The following EPHB1 variants were observed in gnomAD, a reference collection of about 807,000 sequenced individuals.
EPHB1 encodes EPH receptor B1.
EPHB1 carries 30 observed loss-of-function variants against 94.4 expected under a neutral mutation model. The ratio of observed to expected loss-of-function variants is 0.32; its 90% CI spans 0.24 to 0.43. EPHB1 has a LOEUF of 0.43. Among genes scored for constraint, EPHB1 ranks in the 20% least tolerant of loss-of-function variants. The pLI is 1.00. For missense variants in EPHB1, 1,055 were observed against 1,308.3 expected (o/e 0.81, Z 2.99); for synonymous variants, 522 against 489.1 (o/e 1.07, Z -0.89).
intron 1 of EPHB1, among the ~76,000 whole-genome samples, chr3:134,876,471 A>G (rs2037619009): frequency 6.6e-6 from 1 of 152,248 alleles, no homozygotes; most frequent in Admixed American, 6.5e-5. Flanking sequence ...CCAAGTGCTC[A>G]GGCAACACGA....
chr3:134,884,947 A>G (rs578189586), intron 1 of EPHB1, among the ~76,000 whole-genome samples: 2 of 152,360 alleles, frequency 1.3e-5, no homozygotes, highest in African/African-American at 4.8e-5. Context: ...GAGCGGAAAC[A>G]TGGAGTGGAT....
chr3:134,832,363 A>C (rs2036596398), intron 1 of EPHB1, among the ~76,000 whole-genome samples: 1 of 152,228 alleles, frequency 6.6e-6, no homozygotes, highest in South Asian at 2.1e-4. Flanking sequence ...GGAGCAAGGC[A>C]ATGGCAAACA....
chr3:135,107,777 G>T (rs1469470090), intron 4 of EPHB1, among the ~76,000 whole-genome samples: 1 of 152,110 alleles, frequency 6.6e-6, no homozygotes, highest in African/African-American at 2.4e-5. Flanking sequence ...AAGTTCCTGA[G>T]TTCAATCAAT....
chr3:134,974,054 T>C (rs1210051709), intron 3 of EPHB1, among the ~76,000 whole-genome samples: 3 of 152,134 alleles, frequency 2.0e-5, no homozygotes, highest in Admixed American at 2.0e-4. Flanking sequence ...TGAAGTGATA[T>C]AGAGCTGCAT....
intron 3 of EPHB1, among the ~76,000 whole-genome samples, chr3:135,104,956 C>T (rs935955956): frequency 4.6e-5 from 7 of 152,190 alleles, no homozygotes; most frequent in Admixed American, 2.6e-4. Context: ...ATAGTTTATG[C>T]GTACATCATC....
intron 3 of EPHB1, among the ~76,000 whole-genome samples, chr3:135,035,856 A>G (rs1936625151): frequency 1.3e-5 from 2 of 152,158 alleles, no homozygotes; most frequent in African/African-American, 4.8e-5. Context: ...CAGCACTGCT[A>G]TACCACCAAA....
intron 3 of EPHB1, among the ~76,000 whole-genome samples, chr3:135,048,711 C>A (rs2107769974): frequency 6.6e-6 from 1 of 152,344 alleles, no homozygotes; most frequent in East Asian, 1.9e-4. Context: ...ATCTGGCATG[C>A]AGTGGGCACC....
intron 1 of EPHB1, among the ~76,000 whole-genome samples, chr3:134,918,557 C>A (rs2038616442): frequency 6.6e-6 from 1 of 152,212 alleles, no homozygotes; most frequent in Admixed American, 6.5e-5. Flanking sequence ...CCCTACCCAG[C>A]AGCTGTTCCA....
At chr3:134,834,665 C>A (rs559447154) in intron 1 of EPHB1, among the ~76,000 whole-genome samples, 1 of 152,156 alleles carries the variant, frequency 6.6e-6, no homozygotes, top group African/African-American at 2.4e-5. Context: ...GTGGCTCATA[C>A]CCCTCGTTGG....
chr3:135,210,237 A>G (rs1943000908), intron 12 of EPHB1, among the ~76,000 whole-genome samples: 1 of 152,206 alleles, frequency 6.6e-6, no homozygotes, highest in South Asian at 2.1e-4. Context: ...GGACCTTTTC[A>G]TTGTTACTAA....
intron 3 of EPHB1, among the ~76,000 whole-genome samples, chr3:135,086,874 G>A (rs1254985942): frequency 1.3e-5 from 2 of 152,324 alleles, no homozygotes; most frequent in South Asian, 2.1e-4. Context: ...AAGGAGTGAT[G>A]TTGCTGAAGC....
chr3:135,093,300 A>G (rs1370539400), intron 3 of EPHB1, among the ~76,000 whole-genome samples: 3 of 151,776 alleles, frequency 2.0e-5, no homozygotes, highest in East Asian at 3.9e-4. Context: ...CTCCCAGGCC[A>G]CTCCCCGCAC....
In EPHB1 at chr3:135,259,861, A is replaced by G. The variant is rs1327598436; in HGVS notation, c.*741A>G. Reference sequence around the variant, plus strand: ...TCCGTGTGCAAAAGCACACATATGTATGTCTGTGTTATAAAATGACTGTGC... The same window carrying G: ...TCCGTGTGCAAAAGCACACATATGTGTGTCTGTGTTATAAAATGACTGTGC... On this transcript the variant is annotated 3_prime_UTR_variant, in exon 16 of 16. Transcript: ENST00000398015. 35 of 225,238 alleles carry G rather than the reference A, an allele frequency of 1.6e-4. No homozygotes were observed. In the East Asian group the frequency reaches 2.2e-3, roughly 14 times the overall value. The allele number at this position is 225,238 out of a possible 1,614,324, so 14.0% of individuals were successfully genotyped here. A position where few individuals can be genotyped will look rare whatever the true frequency, so the allele number is the denominator to read the frequency against.
intron 3 of EPHB1, among the ~76,000 whole-genome samples, chr3:135,045,249 C>G (rs1354557595): frequency 6.6e-6 from 1 of 151,776 alleles, no homozygotes; most frequent in Non-Finnish European, 1.5e-5. Flanking sequence ...CATTGTTATC[C>G]TTTACACCAG....
chr3:135,122,316 T>C (rs574689503), intron 4 of EPHB1, among the ~76,000 whole-genome samples: 15 of 152,332 alleles, frequency 9.8e-5, no homozygotes, highest in African/African-American at 3.4e-4. Flanking sequence ...TTGAGTCCAG[T>C]GCATCTTTCC....
intron 13 of EPHB1, among the ~76,000 whole-genome samples, chr3:135,242,811 C>G (rs553860933): frequency 6.6e-6 from 1 of 152,250 alleles, no homozygotes; most frequent in Admixed American, 6.5e-5. Flanking sequence ...GGCGCAGTGG[C>G]TCATGCTTGT....
chr3:135,092,193 G>A (rs1938580481), intron 3 of EPHB1, among the ~76,000 whole-genome samples: 1 of 152,106 alleles, frequency 6.6e-6, no homozygotes, highest in African/African-American at 2.4e-5. Context: ...GTGGAGACTG[G>A]GCCTTGGGAG....
At chr3:135,102,052 C>T (rs950744908) in intron 3 of EPHB1, among the ~76,000 whole-genome samples, 4 of 152,196 alleles carry the variant, frequency 2.6e-5, no homozygotes, top group African/African-American at 9.7e-5. Context: ...GAATGAGGGG[C>T]TCCCAACTGC....
chr3:135,003,812 G>T (rs1353003078), intron 3 of EPHB1, among the ~76,000 whole-genome samples: 2 of 151,768 alleles, frequency 1.3e-5, no homozygotes, highest in Non-Finnish European at 2.9e-5. Flanking sequence ...CATTTGCTTG[G>T]TAGATCTTCC....
Sources: allele counts gnomAD v4.1 joint callset (sites outside exome capture counted in the v4.1 genomes callset), GRCh38; gene constraint gnomAD v4.1.1; transcripts MANE v1.5; gene names NCBI Gene and HGNC (gene_info 2026-07-23, HGNC 2026-07-21).